DSCAM: variants seen among roughly 807,000 people sequenced by gnomAD.
DSCAM encodes DS cell adhesion molecule, also known as cell adhesion molecule DSCAM.
DSCAM carries 47 observed loss-of-function variants against 217.7 expected under a neutral mutation model. The ratio of observed to expected loss-of-function variants is 0.22; its 90% CI spans 0.17 to 0.28. DSCAM has a LOEUF of 0.28. DSCAM is among the 10% of genes least tolerant of loss of function. The pLI, the probability that DSCAM is intolerant of heterozygous loss-of-function variation, is 1.00. For synonymous variants in DSCAM, 1,056 were observed against 1,015.3 expected, an observed-to-expected ratio of 1.04 and a Z score of -0.76; for missense variants, 2,080 against 2,618.3, an observed-to-expected ratio of 0.79 and a Z score of 4.49.
chr21:40,167,641 C>T (rs910836765), intron 15 of DSCAM, among the ~76,000 whole-genome samples: 1 of 152,144 alleles, frequency 6.6e-6, no homozygotes, highest in African/African-American at 2.4e-5. Context: ...ATTGAAGGTC[C>T]TTCTCTCCCC....
intron 3 of DSCAM, among the ~76,000 whole-genome samples, chr21:40,569,913 A>G (rs2076793201): frequency 6.6e-6 from 1 of 152,104 alleles, no homozygotes. Context: ...AAACAGCAGA[A>G]AAAAAAATTT....
chr21:40,454,091 C>A (rs572955249), intron 3 of DSCAM, among the ~76,000 whole-genome samples: 1 of 152,152 alleles, frequency 6.6e-6, no homozygotes, highest in Non-Finnish European at 1.5e-5. Flanking sequence ...TATATATAAG[C>A]CAATTAGACA....
intron 30 of DSCAM, among the ~76,000 whole-genome samples, chr21:40,048,429 CAG>C (rs953064824): frequency 2.6e-5 from 4 of 152,140 alleles, no homozygotes; most frequent in African/African-American, 9.7e-5. Context: ...ACAGGAAAGA[CAG>C]AGAAGTAATC....
chr21:40,028,712 G>T (rs145585042), intron 32 of DSCAM, among the ~76,000 whole-genome samples: 2 of 152,000 alleles, frequency 1.3e-5, no homozygotes, highest in Admixed American at 6.6e-5. Context: ...TTCGGCTCAC[G>T]CACAGTGTGC....
chr21:40,187,057 A>G, intron 14 of DSCAM, 74 bp downstream of exon 14: 2 of 1,576,922 alleles, frequency 1.3e-6, no homozygotes, highest in Middle Eastern at 1.7e-4. Context: ...CTTACAGGTA[A>G]AACACATTAA....
At chr21:40,745,550 A>G (rs976835638) in intron 1 of DSCAM, among the ~76,000 whole-genome samples, 1 of 152,164 alleles carries the variant, frequency 6.6e-6, no homozygotes, top group African/African-American at 2.4e-5. Flanking sequence ...AATAGTTCAC[A>G]TGGAAAATGT....
chr21:40,365,168 G>A (rs1216654609), intron 4 of DSCAM, among the ~76,000 whole-genome samples: 1 of 152,112 alleles, frequency 6.6e-6, no homozygotes, highest in Non-Finnish European at 1.5e-5. Context: ...CTGTGAGGGT[G>A]TCACCAAAGG....
intron 11 of DSCAM, among the ~76,000 whole-genome samples, chr21:40,246,712 A>T (rs2073231133): frequency 6.6e-6 from 1 of 152,126 alleles, no homozygotes; most frequent in Admixed American, 6.6e-5. Flanking sequence ...TAGCCTGGAG[A>T]GGGCCCAAGT....
intron 3 of DSCAM, among the ~76,000 whole-genome samples, chr21:40,672,504 A>G (rs2090289178): frequency 6.6e-6 from 1 of 152,126 alleles, no homozygotes; most frequent in Admixed American, 6.5e-5. Context: ...AGTAAGATAA[A>G]GCTGAAGGTG....
intron 3 of DSCAM, among the ~76,000 whole-genome samples, chr21:40,517,075 G>T (rs2076307038): frequency 6.9e-6 from 1 of 144,602 alleles, no homozygotes; most frequent in East Asian, 2.0e-4. Flanking sequence ...ATATACATAT[G>T]TTACATATAT....
At position 40,762,326 on chromosome 21, in the gene DSCAM, A is replaced by G. The variant is rs148150961; in HGVS notation, c.44-53555T>C. ...ATACAAACTACCATAAGAGAATACTATAAACACCTCTACACACATAAACTA... is the reference window on the plus strand; with the variant it reads ...ATACAAACTACCATAAGAGAATACTGTAAACACCTCTACACACATAAACTA... On this transcript the variant is annotated intron_variant, in intron 1 of 32. Transcript: ENST00000400454. Among the ~76,000 whole-genome samples the G allele has an allele frequency of 4.2e-3, 625 of 149,064 alleles. 11 individuals are homozygous for G. Among genetic ancestry groups the G allele is most frequent in the African/African-American group, 0.013 (556 of 41,314 alleles).
chr21:40,584,815 A>C (rs990028588), intron 3 of DSCAM, among the ~76,000 whole-genome samples: 4 of 152,194 alleles, frequency 2.6e-5, no homozygotes, highest in African/African-American at 9.6e-5. Context: ...ACACTGATAC[A>C]GTTTGGATGT....
intron 3 of DSCAM, among the ~76,000 whole-genome samples, chr21:40,690,216 A>G (rs766705650): frequency 2.0e-5 from 3 of 152,202 alleles, no homozygotes; most frequent in African/African-American, 4.8e-5. Flanking sequence ...TGATGGGTGG[A>G]GCTCAGACAC....
intron 3 of DSCAM, among the ~76,000 whole-genome samples, chr21:40,601,160 G>A (rs1203599085): frequency 6.6e-6 from 1 of 152,164 alleles, no homozygotes; most frequent in African/African-American, 2.4e-5. Context: ...CATGACAATA[G>A]AATCTCTCTC....
At chr21:40,372,255 G>T (rs2074906300) in intron 3 of DSCAM, among the ~76,000 whole-genome samples, 1 of 152,204 alleles carries the variant, frequency 6.6e-6, no homozygotes, top group Admixed American at 6.5e-5. Flanking sequence ...TAAATGGTTT[G>T]TTCATGTCCT....
intron 3 of DSCAM, among the ~76,000 whole-genome samples, chr21:40,459,847 C>T (rs1214561475): frequency 1.3e-5 from 2 of 151,972 alleles, no homozygotes; most frequent in Non-Finnish European, 2.9e-5. Flanking sequence ...AGGTAGCAAT[C>T]GGTAGGAAAA....
chr21:40,754,482 G>A (rs886498965), intron 1 of DSCAM, among the ~76,000 whole-genome samples: 4 of 152,188 alleles, frequency 2.6e-5, no homozygotes, highest in Non-Finnish European at 4.4e-5. Context: ...ATAGCAAGTC[G>A]CCACTATGAG....
At position 40,791,610 on chromosome 21, in the gene DSCAM, G is replaced by A. The variant is rs574556100; in HGVS notation, c.43+55009C>T. On this transcript the variant is annotated intron_variant, in intron 1 of 32. Coordinates refer to ENST00000400454, the MANE Select transcript of DSCAM (RefSeq NM_001389.5). ...GGAGCTTGCAGTGAGCCGAGATTGC[G>A]CCACTGCACTCCAGCCTGGGCGACA... Among the ~76,000 whole-genome samples the A allele has an allele frequency of 2.8e-4, 42 of 152,250 alleles. 1 individual carries two copies. In the South Asian group the frequency reaches 8.3e-3, roughly 30 times the overall value.
intron 3 of DSCAM, among the ~76,000 whole-genome samples, chr21:40,446,715 G>T (rs1392521784): frequency 6.6e-6 from 1 of 152,144 alleles, no homozygotes; most frequent in Admixed American, 6.5e-5. Context: ...CCCCTCAAAG[G>T]AAATAATTCT....
Sources: allele counts gnomAD v4.1 joint callset (sites outside exome capture counted in the v4.1 genomes callset), GRCh38; gene constraint gnomAD v4.1.1; transcripts MANE v1.5; gene names NCBI Gene and HGNC (gene_info 2026-07-23, HGNC 2026-07-21).